The following DRC11 variants were observed in gnomAD, a reference collection of about 807,000 sequenced individuals.
The protein encoded by DRC11 is IQ and AAA domain-containing protein 1.
chr2:236,360,701 A>C, the DRC11 span, among the ~76,000 whole-genome samples: 1 of 152,188 alleles, frequency 6.6e-6, no homozygotes, highest in Non-Finnish European at 1.5e-5. This position sits in a 1 kb window ranked among gnomAD's most constrained non-coding sequence, Gnocchi z 5.8. Context: ...AGTGAAAAGC[A>C]ATAGATGAAA....
chr2:236,352,184 G>A, the DRC11 span, among the ~76,000 whole-genome samples: 1 of 151,974 alleles, frequency 6.6e-6, no homozygotes. This position sits in a 1 kb window ranked among gnomAD's most constrained non-coding sequence, Gnocchi z 7.0. Context: ...GAAGCCAGGG[G>A]GCCAATGAGC....
chr2:236,489,658 A>C, the DRC11 span, among the ~76,000 whole-genome samples: 1 of 152,178 alleles, frequency 6.6e-6, no homozygotes, highest in Non-Finnish European at 1.5e-5. Context: ...ACAGTGGCTC[A>C]CACCTGTAAT....
chr2:236,408,111 A>G, the DRC11 span: 1 of 646,716 alleles, frequency 1.5e-6, no homozygotes, highest in Non-Finnish European at 2.9e-6. This position sits in a 1 kb window ranked among gnomAD's most constrained non-coding sequence, Gnocchi z 5.5. Context: ...CATATGGGAC[A>G]AAGCCACCCA....
the DRC11 span, among the ~76,000 whole-genome samples, chr2:236,394,555 C>CA: frequency 1.3e-5 from 2 of 151,850 alleles, no homozygotes; most frequent in Non-Finnish European, 1.5e-5. The surrounding 1 kb of genome is among the most constrained non-coding windows in gnomAD (Gnocchi z 7.0). Context: ...TGCTTGAATC[C>CA]AGGAGGTGGA....
the DRC11 span, among the ~76,000 whole-genome samples, chr2:236,337,662 T>C: frequency 6.6e-6 from 1 of 152,354 alleles, no homozygotes; most frequent in Non-Finnish European, 1.5e-5. The surrounding 1 kb of genome is among the most constrained non-coding windows in gnomAD (Gnocchi z 4.9). Context: ...AGGGGCTCTT[T>C]TTTTGTGTCA....
chr2:236,368,155 G>A, the DRC11 span: 2 of 1,245,324 alleles, frequency 1.6e-6, no homozygotes, highest in Admixed American at 1.9e-5. Context: ...GGTGCAAGCT[G>A]CTTTGGAAAA....
the DRC11 span, among the ~76,000 whole-genome samples, chr2:236,464,074 G>A: frequency 1.3e-5 from 2 of 152,206 alleles, no homozygotes; most frequent in African/African-American, 4.8e-5. Flanking sequence ...GAGCCAGCAA[G>A]GGAGAAGGCA....
the DRC11 span, among the ~76,000 whole-genome samples, chr2:236,467,905 A>C: frequency 6.6e-6 from 1 of 152,262 alleles, no homozygotes; most frequent in African/African-American, 2.4e-5. Flanking sequence ...ACACTCTCTA[A>C]GAAATACCTA....
chr2:236,376,286 T>G, the DRC11 span, among the ~76,000 whole-genome samples: 1 of 152,246 alleles, frequency 6.6e-6, no homozygotes, highest in Non-Finnish European at 1.5e-5. This position sits in a 1 kb window ranked among gnomAD's most constrained non-coding sequence, Gnocchi z 5.7. Context: ...GCTGGGAAAC[T>G]GTTCCTGACG....
At chr2:236,476,599 G>A in the DRC11 span, among the ~76,000 whole-genome samples, 1 of 152,136 alleles carries the variant, frequency 6.6e-6, no homozygotes, top group African/African-American at 2.4e-5. This position sits in a 1 kb window ranked among gnomAD's most constrained non-coding sequence, Gnocchi z 4.7. Context: ...CCAGTATTAT[G>A]TTGAATAAAA....
chr2:236,498,507 G>C, the DRC11 span, among the ~76,000 whole-genome samples: 1 of 151,874 alleles, frequency 6.6e-6, no homozygotes, highest in Non-Finnish European at 1.5e-5. Flanking sequence ...TGTGGCCTGG[G>C]AGGCTGAGCT....
At chr2:236,406,314 G>A in the DRC11 span, among the ~76,000 whole-genome samples, 2 of 152,308 alleles carry the variant, frequency 1.3e-5, no homozygotes, top group African/African-American at 4.8e-5. The surrounding 1 kb of genome is among the most constrained non-coding windows in gnomAD (Gnocchi z 4.7). Flanking sequence ...CTTAAAGAGC[G>A]ATTCAAATGC....
chr2:236,338,150 C>G, the DRC11 span: 1 of 1,550,448 alleles, frequency 6.4e-7, no homozygotes, highest in Non-Finnish European at 8.7e-7. Flanking sequence ...GGCAAGCACA[C>G]AGTGGACAGC....
the DRC11 span, chr2:236,391,882 C>T: frequency 1.0e-6 from 1 of 994,024 alleles, no homozygotes. This position sits in a 1 kb window ranked among gnomAD's most constrained non-coding sequence, Gnocchi z 4.5. Flanking sequence ...TGGCAACAGG[C>T]GGCCCTCCTG....
chr2:236,467,507 T>C, the DRC11 span, among the ~76,000 whole-genome samples: 1 of 152,246 alleles, frequency 6.6e-6, no homozygotes, highest in Non-Finnish European at 1.5e-5. Context: ...ATTTTTGGCA[T>C]ACTCTTATAT....
At chr2:236,401,533 G>C in the DRC11 span, among the ~76,000 whole-genome samples, 5 of 152,166 alleles carry the variant, frequency 3.3e-5, no homozygotes, top group Admixed American at 1.3e-4. The surrounding 1 kb of genome is among the most constrained non-coding windows in gnomAD (Gnocchi z 4.6). Flanking sequence ...TCAATCCATG[G>C]ATAAATGTGT....
the DRC11 span, among the ~76,000 whole-genome samples, chr2:236,459,664 CGT>C: frequency 7.2e-6 from 1 of 139,760 alleles, no homozygotes; most frequent in Non-Finnish European, 1.5e-5. Flanking sequence ...TATATACATA[CGT>C]ATATACGTAT....
At chr2:236,367,055 G>T in the DRC11 span, among the ~76,000 whole-genome samples, 1 of 148,608 alleles carries the variant, frequency 6.7e-6, no homozygotes, top group Non-Finnish European at 1.5e-5. This position sits in a 1 kb window ranked among gnomAD's most constrained non-coding sequence, Gnocchi z 4.8. Context: ...CTCGACCTCA[G>T]GTGATCTGCC....
chr2:236,365,138 G>A, the DRC11 span, among the ~76,000 whole-genome samples: 4 of 152,092 alleles, frequency 2.6e-5, no homozygotes, highest in Non-Finnish European at 4.4e-5. The surrounding 1 kb of genome is among the most constrained non-coding windows in gnomAD (Gnocchi z 7.4). Context: ...TAGTGTGGGG[G>A]TCCGTGGGAG....
Sources: gnomAD v4.1 joint callset for allele counts (sites outside exome capture counted in the v4.1 genomes callset) on GRCh38, gnomAD v4.1.1 for gene constraint, Gnocchi (gnomAD v3.1) non-coding constraint, MANE v1.5 for transcripts, NCBI Gene and HGNC (gene_info 2026-07-23, HGNC 2026-07-21) for gene names.